Variants in ADAM22 observed in about 807,000 individuals in gnomAD.
ADAM22 encodes ADAM metallopeptidase domain 22.
A neutral mutation model predicts 144.6 loss-of-function variants in ADAM22; 65 were observed. The observed-to-expected ratio is 0.45, with a 90% CI of 0.37 to 0.55. The LOEUF (loss-of-function observed/expected upper bound fraction) is 0.55. ADAM22 is among the 20% of genes least tolerant of loss of function. The probability of loss-of-function intolerance (pLI) is 0.00; values close to 1 mark genes in which losing one functional copy is unlikely to be tolerated. For synonymous variants in ADAM22, 391 were observed against 412.6 expected (o/e 0.95, Z 0.63); for missense variants, 974 against 1,184.9 (o/e 0.82, Z 2.61).
intron 4 of ADAM22, among the ~76,000 whole-genome samples, chr7:88,103,760 C>T (rs1823592148): frequency 1.3e-5 from 2 of 152,082 alleles, no homozygotes; most frequent in Non-Finnish European, 2.9e-5. Context: ...ATACTTACTT[C>T]CATATAGCAT....
At chr7:88,031,047 C>T (rs1021491526) in intron 3 of ADAM22, among the ~76,000 whole-genome samples, 3 of 152,094 alleles carry the variant, frequency 2.0e-5, no homozygotes, top group Admixed American at 6.5e-5. Flanking sequence ...ACCTGGGAGG[C>T]GGAGCTTGCA....
At chr7:87,956,389 T>C (rs1208348722) in intron 2 of ADAM22, among the ~76,000 whole-genome samples, 1 of 152,236 alleles carries the variant, frequency 6.6e-6, no homozygotes. Flanking sequence ...GCTAACCTAA[T>C]GTAATCCCAG....
chr7:87,948,079 G>A (rs1198483706), intron 2 of ADAM22, among the ~76,000 whole-genome samples: 3 of 151,792 alleles, frequency 2.0e-5, no homozygotes, highest in Non-Finnish European at 2.9e-5. Context: ...CCTCAATATA[G>A]GCTCTGTCAC....
At chr7:88,108,286 G>A (rs747774604) in intron 5 of ADAM22, 28 bp downstream of exon 5, 9 of 1,579,910 alleles carry the variant, frequency 5.7e-6, no homozygotes, top group Admixed American at 1.7e-5. Context: ...TATTTTTACT[G>A]TTTGTTTTTT....
chr7:88,053,068 C>A (rs572664544), intron 3 of ADAM22, among the ~76,000 whole-genome samples: 1 of 152,274 alleles, frequency 6.6e-6, no homozygotes, highest in East Asian at 1.9e-4. Context: ...CCCCTTTGAG[C>A]AATATCTATT....
intron 4 of ADAM22, among the ~76,000 whole-genome samples, chr7:88,078,297 A>G (rs1007133317): frequency 2.6e-5 from 4 of 152,244 alleles, no homozygotes; most frequent in African/African-American, 7.2e-5. Flanking sequence ...GGTCCTGACT[A>G]TTAGAAGGAA....
chr7:87,972,841 G>GA (rs1309205024), intron 2 of ADAM22, among the ~76,000 whole-genome samples: 2 of 152,088 alleles, frequency 1.3e-5, no homozygotes, highest in Admixed American at 6.6e-5. Flanking sequence ...CAGCAATGGG[G>GA]AAAGGATTCC....
chr7:87,992,880 C>A (rs1178352449), intron 3 of ADAM22, among the ~76,000 whole-genome samples: 2 of 152,074 alleles, frequency 1.3e-5, no homozygotes, highest in African/African-American at 2.4e-5. Context: ...GAAACGGAAC[C>A]TTTTCACCAA....
At position 87,957,417 on chromosome 7, in the gene ADAM22, A is replaced by T. The variant is rs556929477; in HGVS notation, c.247-20919A>T. On this transcript the variant is annotated intron_variant, in intron 2 of 31. Coordinates refer to ENST00000413139, the MANE Select transcript of ADAM22 (RefSeq NM_001324418.2). Reference sequence around the variant, plus strand: ...TAATGTAATGGACACCCTTGTACATACCACCCAGAATGAACAAAATTTAGT... The same window carrying T: ...TAATGTAATGGACACCCTTGTACATTCCACCCAGAATGAACAAAATTTAGT... Among the ~76,000 whole-genome samples, 4 of 152,340 alleles carry T rather than the reference A, an allele frequency of 2.6e-5. No homozygotes were observed. In the East Asian group the frequency reaches 7.7e-4, roughly 29 times the overall value.
At position 88,200,524 on chromosome 7, in the gene ADAM22, A is replaced by G. The variant is rs372005921; in HGVS notation, c.*4033A>G. 1 of 152,268 alleles carries G rather than the reference A, an allele frequency of 6.6e-6. No homozygotes were observed. The highest frequency in any genetic ancestry group is 2.4e-5 in the African/African-American group (1 of 41,468). 9.4% of individuals were successfully genotyped at this position (152,268 alleles called of 1,614,324 possible). The stretch of plus-strand genomic sequence containing the variant: ...GTAAATATCACCCTACCAGTTGGTA[A>G]GTTGGCATGAATTTTCCATGAAACA... On this transcript the variant is annotated 3_prime_UTR_variant, in exon 32 of 32. Coordinates refer to ENST00000413139, the MANE Select transcript of ADAM22 (RefSeq NM_001324418.2).
intron 2 of ADAM22, among the ~76,000 whole-genome samples, chr7:87,955,510 AG>A (rs557707808): frequency 3.1e-4 from 47 of 152,196 alleles, no homozygotes; most frequent in Non-Finnish European, 5.3e-4. Context: ...GTCTCAGAGG[AG>A]TACCCGGCCG....
chr7:88,162,573 G>A (rs1433805341), intron 22 of ADAM22, among the ~76,000 whole-genome samples: 4 of 151,914 alleles, frequency 2.6e-5, no homozygotes, highest in African/African-American at 7.3e-5. Context: ...AATGCTTACC[G>A]AGGTTTTAAA....
At chr7:88,132,302 T>C (rs1350758398) in intron 11 of ADAM22, 1 of 152,234 alleles carries the variant, frequency 6.6e-6, no homozygotes, top group Non-Finnish European at 1.5e-5. Context: ...AACACAAACA[T>C]AATACTTTTA....
Position 87,937,266 on chromosome 7 carries a change from C to A in ADAM22, c.246+2080C>A, listed in dbSNP as rs139458688. Among the ~76,000 whole-genome samples the A allele has an allele frequency of 1.4e-3, 217 of 152,264 alleles. 1 individual carries two copies. The highest frequency in any genetic ancestry group is 5.0e-3 in the African/African-American group (208 of 41,560). ...AGTTGTGGGGGCCTAGCCTGTTTTTCTGTTTTCTAAAAGGTCTTTTAATGT... is the reference window on the plus strand; with the variant it reads ...AGTTGTGGGGGCCTAGCCTGTTTTTATGTTTTCTAAAAGGTCTTTTAATGT... On this transcript the variant is annotated intron_variant, in intron 2 of 31. Transcript: ENST00000413139.
At chr7:88,156,132 C>T (rs779806722) in intron 22 of ADAM22, 126 bp downstream of exon 22, 224 of 949,382 alleles carry the variant, frequency 2.4e-4, no homozygotes, top group Middle Eastern at 2.2e-3. Flanking sequence ...TCTATAGAGA[C>T]GATTGAGTAA....
At chr7:87,955,775 T>A (rs1461280454) in intron 2 of ADAM22, among the ~76,000 whole-genome samples, 1 of 152,146 alleles carries the variant, frequency 6.6e-6, no homozygotes, top group Non-Finnish European at 1.5e-5. Flanking sequence ...TGTGGTGGGG[T>A]CCACCCAGTT....
At chr7:88,022,793 C>A (rs1401631084) in intron 3 of ADAM22, among the ~76,000 whole-genome samples, 1 of 151,954 alleles carries the variant, frequency 6.6e-6, no homozygotes, top group Non-Finnish European at 1.5e-5. Flanking sequence ...TGTCTTCTGG[C>A]CAAATATTTT....
intron 3 of ADAM22, among the ~76,000 whole-genome samples, chr7:88,022,024 C>T (rs73202327): frequency 0.051 from 7,785 of 151,996 alleles, 324 homozygotes; most frequent in Non-Finnish European, 0.066. Context: ...AGACATGTAC[C>T]ACCATGCCTG....
At chr7:88,104,919 C>G (rs1823949970) in intron 4 of ADAM22, among the ~76,000 whole-genome samples, 1 of 152,032 alleles carries the variant, frequency 6.6e-6, no homozygotes, top group South Asian at 2.1e-4. Flanking sequence ...CAGATGCATC[C>G]TGATCATCTG....
Sources: gnomAD v4.1 joint callset for allele counts (sites outside exome capture counted in the v4.1 genomes callset) on GRCh38, gnomAD v4.1.1 for gene constraint, MANE v1.5 for transcripts, NCBI Gene and HGNC (gene_info 2026-07-23, HGNC 2026-07-21) for gene names.